Variants in ELP4 observed in about 807,000 individuals in gnomAD.
ELP4 encodes elongator complex protein 4.
A neutral mutation model predicts 48.9 loss-of-function variants in ELP4; 51 were observed. The ratio of observed to expected loss-of-function variants is 1.04; its 90% confidence interval spans 0.83 to 1.32. The LOEUF (loss-of-function observed/expected upper bound fraction) is 1.32, where lower values mean the gene tolerates loss of function less well. Ranked by LOEUF, ELP4 falls within the 40% of genes most tolerant of loss-of-function variation. The probability of loss-of-function intolerance (pLI) is 0.00; values close to 1 mark genes in which losing one functional copy is unlikely to be tolerated. For synonymous variants in ELP4, 210 were observed against 189.2 expected, an observed-to-expected ratio of 1.11 and a Z score of -0.90; for missense variants, 519 against 514.6, an observed-to-expected ratio of 1.01 and a Z score of -0.08.
chr11:31,570,739 A>G (rs1352294638), intron 3 of ELP4, among the ~76,000 whole-genome samples: 1 of 149,164 alleles, frequency 6.7e-6, no homozygotes, highest in Non-Finnish European at 1.5e-5. Flanking sequence ...CGGCCTCCCA[A>G]AGTGCTGGTA....
chr11:31,775,642 C>T (rs1265001630), intron 9 of ELP4, among the ~76,000 whole-genome samples: 1 of 152,050 alleles, frequency 6.6e-6, no homozygotes, highest in Non-Finnish European at 1.5e-5. Flanking sequence ...CGAGACCAGC[C>T]TGGACAACAT....
chr11:31,532,927 A>G (rs1956422027), intron 2 of ELP4, among the ~76,000 whole-genome samples: 2 of 151,600 alleles, frequency 1.3e-5, no homozygotes, highest in Admixed American at 1.3e-4. Flanking sequence ...GTGCACCACC[A>G]CGCCTGGCTA....
chr11:31,518,172 T>A (rs1956151766), intron 1 of ELP4, among the ~76,000 whole-genome samples: 1 of 151,508 alleles, frequency 6.6e-6, no homozygotes, highest in Non-Finnish European at 1.5e-5. Flanking sequence ...AATGGTGCAA[T>A]CTCGGCTCAG....
At chr11:31,634,659 T>C (rs1007997899) in intron 7 of ELP4, among the ~76,000 whole-genome samples, 4 of 152,010 alleles carry the variant, frequency 2.6e-5, no homozygotes, top group Non-Finnish European at 5.9e-5. Context: ...GAGTGAATGA[T>C]GTAGTGATCT....
At chr11:31,737,839 G>T (rs1411439440) in intron 9 of ELP4, among the ~76,000 whole-genome samples, 1 of 152,182 alleles carries the variant, frequency 6.6e-6, no homozygotes, top group Non-Finnish European at 1.5e-5. Flanking sequence ...TGCATTATTG[G>T]TGGAAATGTA....
At chr11:31,780,885 G>A (rs1948357385) in intron 9 of ELP4, 1 of 152,208 alleles carries the variant, frequency 6.6e-6, no homozygotes, top group South Asian at 2.1e-4. Context: ...AAGATATATT[G>A]GTTCTCCTGT....
intron 7 of ELP4, among the ~76,000 whole-genome samples, chr11:31,644,532 G>A (rs576755274): frequency 6.6e-6 from 1 of 151,692 alleles, no homozygotes; most frequent in Non-Finnish European, 1.5e-5. Context: ...AAAGCTTTCT[G>A]AACACTGCTG....
chr11:31,634,165 C>CT (rs1944924595), intron 7 of ELP4: 1 of 151,958 alleles, frequency 6.6e-6, no homozygotes, highest in Admixed American at 6.6e-5. Flanking sequence ...CACACTATAT[C>CT]CTATGTGTCC....
chr11:31,581,092 A>C (rs1349291394), intron 3 of ELP4, among the ~76,000 whole-genome samples: 7 of 152,140 alleles, frequency 4.6e-5, no homozygotes, highest in Admixed American at 1.3e-4. Flanking sequence ...TTCATCTCAA[A>C]ACTTTCCACT....
intron 3 of ELP4, among the ~76,000 whole-genome samples, chr11:31,552,701 G>A (rs1437465521): frequency 6.6e-6 from 1 of 152,032 alleles, no homozygotes; most frequent in South Asian, 2.1e-4. Context: ...TCTTCAGTCT[G>A]ATCTCACCAA....
chr11:31,584,148 A>G (rs565847570), intron 3 of ELP4, among the ~76,000 whole-genome samples: 1 of 152,206 alleles, frequency 6.6e-6, no homozygotes, highest in African/African-American at 2.4e-5. Context: ...ACAATTGTAC[A>G]TGAAAACAAA....
rs556050058 is a variant in ELP4 at position 31,534,326 on chromosome 11, G to A, written c.260-5336G>A. 3.3e-5 allele frequency among the ~76,000 whole-genome samples: 5 copies of A among 151,750 alleles called. No homozygotes were observed. The South Asian group carries it at 1.0e-3, about 32-fold the overall frequency. On this transcript the variant is annotated intron_variant, in intron 2 of 9. Transcript: ENST00000640961. ...GAGAGAGAGAGAAAGAGGAGATATT[G>A]GGGATAAATTCTGGCTTTCTGAAAA...
rs1163720217 is a variant in ELP4, at chr11:31,784,287, C to T, written c.*763C>T. 6.6e-6 allele frequency: 1 copy of T among 152,084 alleles called. No individual in the cohort carries two copies. Among genetic ancestry groups the T allele is most frequent in the African/African-American group, 2.4e-5 (1 of 41,426 alleles). The allele number at this position is 152,084 out of a possible 1,614,324, so 9.4% of individuals were successfully genotyped here. A position where few individuals can be genotyped will look rare whatever the true frequency, so the allele number is the denominator to read the frequency against. ...AAGCTTGTTGAGAGATTTTACAGAA[C>T]ATAGGTCTGAGACAAAGTGAAAAAA... On this transcript the variant is annotated 3_prime_UTR_variant, in exon 10 of 10. Coordinates refer to ENST00000640961, the MANE Select transcript of ELP4 (RefSeq NM_019040.5).
intron 4 of ELP4, among the ~76,000 whole-genome samples, chr11:31,600,741 CTGTT>C (rs1375825728): frequency 6.6e-6 from 1 of 152,136 alleles, no homozygotes; most frequent in Non-Finnish European, 1.5e-5. Flanking sequence ...GTTTTAAAAA[CTGTT>C]TGGATTCTTG....
intron 9 of ELP4, among the ~76,000 whole-genome samples, chr11:31,705,256 G>A (rs1946606199): frequency 6.6e-6 from 1 of 152,070 alleles, no homozygotes; most frequent in African/African-American, 2.4e-5. Flanking sequence ...TGGTGAGAGG[G>A]CAAGAGCATG....
intron 5 of ELP4, among the ~76,000 whole-genome samples, chr11:31,626,523 A>G (rs1025031389): frequency 1.3e-5 from 2 of 151,904 alleles, no homozygotes; most frequent in African/African-American, 4.8e-5. Flanking sequence ...TATTATTTAT[A>G]TGAGAAATAA....
chr11:31,557,124 A>C (rs1375323682), intron 3 of ELP4, among the ~76,000 whole-genome samples: 1 of 151,930 alleles, frequency 6.6e-6, no homozygotes, highest in Non-Finnish European at 1.5e-5. Flanking sequence ...TTAGTAATAA[A>C]GCAATACATA....
chr11:31,751,853 C>T (rs1947728139), intron 9 of ELP4, among the ~76,000 whole-genome samples: 1 of 152,150 alleles, frequency 6.6e-6, no homozygotes, highest in Non-Finnish European at 1.5e-5. Context: ...TCCTCACCTC[C>T]AGTCTAACAA....
At chr11:31,538,399 AT>A (rs1308667292) in intron 2 of ELP4, among the ~76,000 whole-genome samples, 1 of 148,194 alleles carries the variant, frequency 6.7e-6, no homozygotes, top group East Asian at 1.9e-4. Context: ...TGTATTATGT[AT>A]TATATACTTA....
Sources: gnomAD v4.1 joint callset for allele counts (sites outside exome capture counted in the v4.1 genomes callset) on GRCh38, gnomAD v4.1.1 for gene constraint, MANE v1.5 for transcripts, NCBI Gene and HGNC (gene_info 2026-07-23, HGNC 2026-07-21) for gene names.